The following USP47 variants were observed in gnomAD, a reference collection of about 807,000 sequenced individuals.
The protein encoded by USP47 is ubiquitin specific peptidase 47.
Under a neutral mutation model 165.1 loss-of-function variants are expected in USP47, and 35 were observed. The ratio of observed to expected loss-of-function variants is 0.21; its 90% CI spans 0.16 to 0.28. The LOEUF (loss-of-function observed/expected upper bound fraction) is 0.28. USP47 is among the 10% of genes least tolerant of loss of function. USP47 has a pLI of 1.00. For missense variants in USP47, 1,277 were observed against 1,607.4 expected, an observed-to-expected ratio of 0.79 and a Z score of 3.52; for synonymous variants, 531 against 544.5, an observed-to-expected ratio of 0.98 and a Z score of 0.35.
chr11:11,896,848 G>A (rs183115409), intron 4 of USP47, among the ~76,000 whole-genome samples: 6 of 152,084 alleles, frequency 3.9e-5, no homozygotes, highest in Admixed American at 6.6e-5. Context: ...ATGCATACAC[G>A]GTTCTTAAAA....
At chr11:11,866,138 G>A (rs1849664380) in intron 1 of USP47, among the ~76,000 whole-genome samples, 1 of 152,024 alleles carries the variant, frequency 6.6e-6, no homozygotes, top group Non-Finnish European at 1.5e-5. Context: ...AGTTTTTATA[G>A]TTTTAGCTCT....
At chr11:11,943,547 A>C (rs1855628648) in intron 20 of USP47, 1 of 152,386 alleles carries the variant, frequency 6.6e-6, no homozygotes, top group Middle Eastern at 3.4e-3. Flanking sequence ...AAAAGTCCTT[A>C]ATCAACTGGG....
In USP47 at chr11:11,959,414, C is replaced by T. The variant is rs1847356443; in HGVS notation, c.*3239C>T. 1 of 152,114 alleles carries T rather than the reference C, an allele frequency of 6.6e-6. No individual in the cohort carries two copies. The highest frequency in any genetic ancestry group is 2.4e-5 in the African/African-American group (1 of 41,404). The allele number at this position is 152,114 out of a possible 1,614,324, so 9.4% of individuals were successfully genotyped here. ...GCCATATGTCCTGAAAGGCAAAACT[C>T]TGTGTATGTGCGATTTACCAGGGAG... On this transcript the variant is annotated 3_prime_UTR_variant, in exon 28 of 28. Transcript: ENST00000527733.
At chr11:11,914,645 AAT>A (rs1202666212) in intron 8 of USP47, among the ~76,000 whole-genome samples, 2 of 152,136 alleles carry the variant, frequency 1.3e-5, no homozygotes, top group African/African-American at 4.8e-5. Context: ...TCATATCTAG[AAT>A]ATATAAAGTA....
chr11:11,864,460 T>A (rs1564855096), intron 1 of USP47, among the ~76,000 whole-genome samples: 5 of 152,164 alleles, frequency 3.3e-5, no homozygotes, highest in Admixed American at 2.6e-4. Context: ...TGTACTACCA[T>A]CACCATCATC....
chr11:11,861,403 A>G (rs536181718), intron 1 of USP47, among the ~76,000 whole-genome samples: 19 of 152,050 alleles, frequency 1.2e-4, no homozygotes, highest in African/African-American at 4.6e-4. Flanking sequence ...GCCCCATCCA[A>G]CTTTGAATGT....
chr11:11,936,524 C>T lies in USP47; in HGVS notation c.2077+14C>T. On this transcript the variant is annotated intron_variant, in intron 17 of 27. Coordinates refer to ENST00000527733, the MANE Select transcript of USP47 (RefSeq NM_001282659.2). The stretch of plus-strand genomic sequence containing the variant: ...ATAAACCTGGAGGTGAGCAATTTTA[C>T]ACTATTTTTAGTTGTTCTGTACTTA... The T allele has an allele frequency of 6.5e-7, 1 of 1,549,478 alleles. No homozygotes were observed. The highest frequency in any genetic ancestry group is 1.2e-5 in the South Asian group (1 of 80,620).
At chr11:11,890,351 G>GA (rs1939795450) in intron 3 of USP47, among the ~76,000 whole-genome samples, 1 of 151,598 alleles carries the variant, frequency 6.6e-6, no homozygotes, top group Admixed American at 6.6e-5. Flanking sequence ...AAATTTACGA[G>GA]AAAAAAACAG....
intron 1 of USP47, among the ~76,000 whole-genome samples, chr11:11,865,405 T>A (rs1158634208): frequency 1.3e-5 from 2 of 152,230 alleles, no homozygotes; most frequent in Non-Finnish European, 2.9e-5. Flanking sequence ...TTCAGTTCAC[T>A]GATTCTTTTG....
At chr11:11,918,334 CAA>C (rs1328862691) in intron 8 of USP47, among the ~76,000 whole-genome samples, 1 of 151,978 alleles carries the variant, frequency 6.6e-6, no homozygotes, top group African/African-American at 2.4e-5. Context: ...AAAGGAATCT[CAA>C]GAGACCAAAC....
chr11:11,907,786 C>T (rs1227358196), intron 8 of USP47, among the ~76,000 whole-genome samples: 1 of 151,950 alleles, frequency 6.6e-6, no homozygotes, highest in Non-Finnish European at 1.5e-5. Flanking sequence ...GTATTTTTGT[C>T]TTATTTAATA....
rs769777165 is a variant in USP47, at chr11:11,933,822, A to G, written c.1765-9A>G. On this transcript the variant is annotated splice_polypyrimidine_tract_variant and intron_variant, in intron 15 of 27. Transcript: ENST00000527733. ...TGCAGAGTTGATGATGATATTTTAC[A>G]TTTTCTAGATAAAATTATTCTGTTT... 2.5e-6 allele frequency: 4 copies of G among 1,574,826 alleles called. No individual in the cohort carries two copies. The highest frequency in any genetic ancestry group is 2.6e-6 in the Non-Finnish European group (3 of 1,147,620).
At chr11:11,926,571 A>G (rs2134650033) in intron 11 of USP47, among the ~76,000 whole-genome samples, 1 of 151,890 alleles carries the variant, frequency 6.6e-6, no homozygotes, top group Non-Finnish European at 1.5e-5. Context: ...TCTCTTTCTT[A>G]GCCTAGCTAA....
intron 4 of USP47, 146 bp from the exon 5 acceptor site, chr11:11,897,451 T>C (rs1026842520): frequency 3.4e-6 from 2 of 586,946 alleles, no homozygotes; most frequent in African/African-American, 3.8e-5. Context: ...GATCTTTTCT[T>C]AGGTGCTGTT....
intron 3 of USP47, among the ~76,000 whole-genome samples, chr11:11,891,070 T>C (rs1291093554): frequency 2.0e-5 from 3 of 152,180 alleles, no homozygotes; most frequent in Non-Finnish European, 4.4e-5. Flanking sequence ...GGTGATGGGA[T>C]GATCTGTGCA....
At chr11:11,901,012 C>G (rs1293671883) in intron 5 of USP47, among the ~76,000 whole-genome samples, 1 of 152,006 alleles carries the variant, frequency 6.6e-6, no homozygotes, top group Admixed American at 6.6e-5. Context: ...AAAAAGGGAG[C>G]TGGGGATTGA....
At chr11:11,847,999 G>A (rs1848519655) in intron 1 of USP47, among the ~76,000 whole-genome samples, 1 of 152,064 alleles carries the variant, frequency 6.6e-6, no homozygotes, top group African/African-American at 2.4e-5. Flanking sequence ...AAGAAACTAG[G>A]CTTAAAGATG....
At chr11:11,885,709 G>A (rs1851116102) in intron 3 of USP47, among the ~76,000 whole-genome samples, 1 of 152,140 alleles carries the variant, frequency 6.6e-6, no homozygotes, top group Admixed American at 6.5e-5. Context: ...CTAGGAAGGG[G>A]GCTGAATCCA....
chr11:11,871,862 C>G (rs554218316), intron 1 of USP47, among the ~76,000 whole-genome samples: 127 of 152,244 alleles, frequency 8.3e-4, no homozygotes, highest in African/African-American at 2.9e-3. Flanking sequence ...TTTGTTTCTG[C>G]TTTCACAGGG....
Sources: allele counts gnomAD v4.1 joint callset (sites outside exome capture counted in the v4.1 genomes callset), GRCh38; gene constraint gnomAD v4.1.1; transcripts MANE v1.5; gene names NCBI Gene and HGNC (gene_info 2026-07-23, HGNC 2026-07-21).